The following PATJ variants were observed in gnomAD, a reference collection of about 807,000 sequenced individuals.
PATJ encodes the protein PATJ crumbs cell polarity complex component.
Under a neutral mutation model 224.9 loss-of-function variants are expected in PATJ, and 190 were observed. The ratio of observed to expected loss-of-function variants is 0.84; its 90% CI spans 0.75 to 0.95. The LOEUF is 0.95. PATJ is among the 40% of genes least tolerant of loss of function. The pLI is 0.00. For missense variants in PATJ, 2,121 were observed against 2,270.3 expected, an observed-to-expected ratio of 0.93 and a Z score of 1.34; for synonymous variants, 769 against 820.3, an observed-to-expected ratio of 0.94 and a Z score of 1.07.
In PATJ at chr1:61,852,119, T is replaced by TAAA. The variant is rs3030913; in HGVS notation, c.2113-3891_2113-3889dup. Among the ~76,000 whole-genome samples the TAAA allele has an allele frequency of 8.4e-4, 91 of 108,886 alleles. 2 individuals are homozygous for TAAA. The highest frequency in any genetic ancestry group is 2.3e-3 in the South Asian group (7 of 3,050). 71.4% of individuals were successfully genotyped at this position (108,886 alleles called of 152,430 possible). On this transcript the variant is annotated intron_variant, in intron 17 of 43. Transcript: ENST00000642238. ...TGGGTGACAGAGAGGGATTCTGTCTTAAAAAAAAAAAAAAAAAAAAAAGAG... is the reference window on the plus strand; with the variant it reads ...TGGGTGACAGAGAGGGATTCTGTCTTAAAAAAAAAAAAAAAAAAAAAAAAAGAG...
At position 61,805,429 on chromosome 1, in the gene PATJ, C is replaced by CT. The variant is rs752748416; in HGVS notation, c.1550-10dup. The CT allele has an allele frequency of 3.8e-4, 564 of 1,480,550 alleles. No individual in the cohort carries two copies. The highest frequency in any genetic ancestry group is 5.2e-4 in the Middle Eastern group (3 of 5,758). 91.7% of individuals were successfully genotyped at this position (1,480,550 alleles called of 1,614,324 possible). The stretch of plus-strand genomic sequence containing the variant: ...GTTTCAACATTCTCTCGCTCTCTCT[C>CT]TTTTTTTTTAATATCCAGAAAAAGT... On this transcript the variant is annotated intron_variant, in intron 12 of 43. Transcript: ENST00000642238.
chr1:61,854,595 C>T (rs985672026), intron 17 of PATJ, among the ~76,000 whole-genome samples: 2 of 152,152 alleles, frequency 1.3e-5, no homozygotes, highest in African/African-American at 4.8e-5. Flanking sequence ...GCCAGGCTGC[C>T]TGGTTGGATT....
At position 61,949,504 on chromosome 1, in the gene PATJ, T is replaced by C. The variant is rs2482874; in HGVS notation, c.3670+21675T>C. Among the ~76,000 whole-genome samples, 534 of 152,318 alleles carry C rather than the reference T, an allele frequency of 3.5e-3. 3 individuals are homozygous for C. The highest frequency in any genetic ancestry group is 0.012 in the African/African-American group (503 of 41,574). Reference sequence around the variant, plus strand: ...ACTCAGTAAAACTTTTAAAAATGTTTCAAAGTTAAATATAATTTTAAATTA... The same window carrying C: ...ACTCAGTAAAACTTTTAAAAATGTTCCAAAGTTAAATATAATTTTAAATTA... On this transcript the variant is annotated intron_variant, in intron 27 of 43. Coordinates refer to ENST00000642238, the MANE Select transcript of PATJ (RefSeq NM_001350145.3).
rs185033473 is a variant in PATJ, at chr1:61,809,417, C to T, written c.1683+887C>T. Among the ~76,000 whole-genome samples the T allele has an allele frequency of 1.5e-4, 22 of 143,920 alleles. No individual in the cohort carries two copies. In the East Asian group the frequency reaches 2.0e-3, roughly 13 times the overall value. The allele number at this position is 143,920 out of a possible 152,430, so 94.4% of individuals were successfully genotyped here. A position where few individuals can be genotyped will look rare whatever the true frequency, so the allele number is the denominator to read the frequency against. On this transcript the variant is annotated intron_variant, in intron 14 of 43. Coordinates refer to ENST00000642238, the MANE Select transcript of PATJ (RefSeq NM_001350145.3). ...TTTTTTTTTTTTTGAGACAGAGTTT[C>T]GCCCTTGTTGCCCAGGCTGGAGTGC...
chr1:61,827,587 C>G lies in PATJ; in HGVS notation c.1980+4C>G. 2.5e-6 allele frequency: 4 copies of G among 1,612,944 alleles called. No individual in the cohort carries two copies. The highest frequency in any genetic ancestry group is 3.4e-6 in the Non-Finnish European group (4 of 1,179,294). ...AACCTCTCTTCCTGAGACAGAGGTA[C>G]TAAATGAATATAGTGCATTTCCCAT... On this transcript the variant is annotated splice_donor_region_variant and intron_variant, in intron 16 of 43. Coordinates refer to ENST00000642238, the MANE Select transcript of PATJ (RefSeq NM_001350145.3).
intron 17 of PATJ, among the ~76,000 whole-genome samples, chr1:61,834,942 T>C (rs1310057144): frequency 1.3e-5 from 2 of 152,192 alleles, no homozygotes; most frequent in African/African-American, 4.8e-5. Context: ...TTGGCCAGGC[T>C]GGTCTCGAAC....
At chr1:61,881,225 A>G (rs1289373986) in intron 21 of PATJ, among the ~76,000 whole-genome samples, 1 of 152,184 alleles carries the variant, frequency 6.6e-6, no homozygotes, top group Non-Finnish European at 1.5e-5. Context: ...AGAGTTTAGC[A>G]AAACAGCTCA....
chr1:61,932,592 G>T (rs1007688655), intron 27 of PATJ, among the ~76,000 whole-genome samples: 1 of 152,136 alleles, frequency 6.6e-6, no homozygotes, highest in African/African-American at 2.4e-5. Flanking sequence ...AAGAGAAAGA[G>T]GACGCTTGAT....
At chr1:62,067,904 GAT>G (rs1656750370) in intron 31 of PATJ, among the ~76,000 whole-genome samples, 1 of 152,090 alleles carries the variant, frequency 6.6e-6, no homozygotes, top group African/African-American at 2.4e-5. Flanking sequence ...GGGCTCAAGC[GAT>G]CCTCCTACCT....
intron 29 of PATJ, among the ~76,000 whole-genome samples, chr1:62,023,363 G>A (rs1647198823): frequency 6.6e-6 from 1 of 151,934 alleles, no homozygotes; most frequent in East Asian, 1.9e-4. Context: ...AAAAAAGAAT[G>A]CATGCATAAG....
intron 17 of PATJ, among the ~76,000 whole-genome samples, chr1:61,837,195 A>G (rs1301166853): frequency 6.6e-6 from 1 of 152,216 alleles, no homozygotes; most frequent in East Asian, 1.9e-4. Flanking sequence ...GTAAGGAAAT[A>G]GGAAATGTTA....
chr1:62,030,096 A>G (rs1648923947), intron 29 of PATJ, among the ~76,000 whole-genome samples: 1 of 152,168 alleles, frequency 6.6e-6, no homozygotes, highest in Admixed American at 6.5e-5. Flanking sequence ...AAGGACATGA[A>G]TTAGGATGGA....
intron 29 of PATJ, among the ~76,000 whole-genome samples, chr1:62,023,719 A>G (rs960826574): frequency 6.6e-6 from 1 of 152,224 alleles, no homozygotes; most frequent in African/African-American, 2.4e-5. Context: ...AAATACCTGG[A>G]CATTTGCTTC....
intron 41 of PATJ, among the ~76,000 whole-genome samples, chr1:62,147,634 A>T (rs1270270943): frequency 2.6e-5 from 4 of 152,018 alleles, no homozygotes; most frequent in South Asian, 2.1e-4. Context: ...CCCCGCCTCT[A>T]CTGAAAATAT....
intron 27 of PATJ, among the ~76,000 whole-genome samples, chr1:61,957,583 A>T (rs1292412838): frequency 1.3e-5 from 2 of 152,132 alleles, no homozygotes; most frequent in East Asian, 3.9e-4. Context: ...AAGTTACGGG[A>T]TAGTTTCTTG....
chr1:62,020,993 T>A (rs1647047544), intron 29 of PATJ, among the ~76,000 whole-genome samples: 1 of 144,386 alleles, frequency 6.9e-6, no homozygotes, highest in Admixed American at 6.8e-5. Context: ...GCCCGGCTAG[T>A]TTTTTTTTTA....
intron 29 of PATJ, among the ~76,000 whole-genome samples, chr1:62,032,276 T>A (rs1285845926): frequency 6.6e-6 from 1 of 152,172 alleles, no homozygotes; most frequent in East Asian, 1.9e-4. Context: ...GCCCCCTCCA[T>A]CCTGAAGCAA....
intron 14 of PATJ, among the ~76,000 whole-genome samples, chr1:61,812,431 AGAGTGT>A (rs1370687856): frequency 1.0e-4 from 11 of 109,118 alleles, no homozygotes; most frequent in African/African-American, 2.8e-4. Context: ...AGAGAGAGAG[AGAGTGT>A]GTGTGTGTGT....
At chr1:61,943,141 T>C (rs1433256978) in intron 27 of PATJ, among the ~76,000 whole-genome samples, 4 of 152,188 alleles carry the variant, frequency 2.6e-5, no homozygotes, top group African/African-American at 4.8e-5. Context: ...GCTGAGAAGA[T>C]TCCAAGATGG....
Sources: allele counts gnomAD v4.1 joint callset (sites outside exome capture counted in the v4.1 genomes callset), GRCh38; gene constraint gnomAD v4.1.1; transcripts MANE v1.5; gene names NCBI Gene and HGNC (gene_info 2026-07-23, HGNC 2026-07-21).